CPB1: variants seen among roughly 807,000 people sequenced by gnomAD.
CPB1 encodes carboxypeptidase B.
CPB1 carries 53 observed loss-of-function variants against 51.4 expected under a neutral mutation model. The observed-to-expected ratio is 1.03, with a 90% CI of 0.83 to 1.30. The LOEUF is 1.30. Ranked by LOEUF, CPB1 falls within the 50% of genes most tolerant of loss-of-function variation. The pLI is 0.00. For synonymous variants in CPB1, 189 were observed against 186.9 expected (o/e 1.01, Z -0.09); for missense variants, 494 against 516.2 (o/e 0.96, Z 0.42).
intron 2 of CPB1, among the ~76,000 whole-genome samples, chr3:148,833,872 C>T (rs911427754): frequency 2.0e-5 from 3 of 152,106 alleles, no homozygotes; most frequent in Non-Finnish European, 4.4e-5. Flanking sequence ...CGTAGGTTCT[C>T]ACAATAGTTG....
chr3:148,850,303 T>C (rs11715938), intron 9 of CPB1, among the ~76,000 whole-genome samples: 57,270 of 152,046 alleles, frequency 0.38, 11,599 homozygotes, highest in Admixed American at 0.45. Context: ...TGTTTGTTTG[T>C]TTGTCTGTTT....
At chr3:148,830,041 T>C (rs1203725154) in intron 2 of CPB1, among the ~76,000 whole-genome samples, 2 of 152,162 alleles carry the variant, frequency 1.3e-5, no homozygotes, top group Admixed American at 6.5e-5. Context: ...GTGAATTTAA[T>C]TGGGCCTGAC....
chr3:148,830,169 A>C (rs552753506), intron 2 of CPB1, among the ~76,000 whole-genome samples: 1 of 152,308 alleles, frequency 6.6e-6, no homozygotes, highest in South Asian at 2.1e-4. Context: ...GCCAGGCCCC[A>C]GCAGCTCCTG....
intron 3 of CPB1, 124 bp from the exon 4 acceptor site, chr3:148,840,562 A>C: frequency 1.3e-6 from 1 of 771,188 alleles, no homozygotes; most frequent in Non-Finnish European, 2.2e-6. Context: ...CCAGAGGACA[A>C]CATGAGAATT....
chr3:148,834,747 G>A, intron 3 of CPB1, 125 bp downstream of exon 3: 1 of 833,632 alleles, frequency 1.2e-6, no homozygotes, highest in East Asian at 2.7e-5. Context: ...CCCACAAATA[G>A]GTAATGGCAG....
chr3:148,858,486 C>G (rs6772261), intron 10 of CPB1, among the ~76,000 whole-genome samples: 1 of 151,724 alleles, frequency 6.6e-6, no homozygotes, highest in Non-Finnish European at 1.5e-5. Context: ...GCAGGAGAAT[C>G]GTTTGAACCT....
chr3:148,848,243 A>C (rs182086228), intron 9 of CPB1, among the ~76,000 whole-genome samples: 1 of 152,290 alleles, frequency 6.6e-6, no homozygotes, highest in Admixed American at 6.5e-5. Flanking sequence ...ACAGTTTTAC[A>C]GTTTTTATTT....
chr3:148,834,449 CT>C, intron 2 of CPB1, 48 bp from the exon 3 acceptor site: 1 of 1,554,108 alleles, frequency 6.4e-7, no homozygotes, highest in Non-Finnish European at 8.9e-7. Flanking sequence ...GCAGATTATC[CT>C]TCATCCATTG....
intron 2 of CPB1, among the ~76,000 whole-genome samples, chr3:148,833,420 A>G (rs958114303): frequency 6.6e-6 from 1 of 152,186 alleles, no homozygotes; most frequent in Non-Finnish European, 1.5e-5. Flanking sequence ...TCTGAAACTG[A>G]GATGCCTTAC....
At chr3:148,841,319 G>A (rs919670420) in intron 5 of CPB1, among the ~76,000 whole-genome samples, 3 of 152,140 alleles carry the variant, frequency 2.0e-5, no homozygotes, top group Non-Finnish European at 4.4e-5. Flanking sequence ...TAAACTTCAT[G>A]TCTATCAGAC....
At position 148,846,797 on chromosome 3, in the gene CPB1, G is replaced by GTATATA. The variant is rs368201293; in HGVS notation, c.981+1211_981+1216dup. Among the ~76,000 whole-genome samples the GTATATA allele has an allele frequency of 2.0e-3, 99 of 50,422 alleles. 2 individuals carry two copies. Among genetic ancestry groups the GTATATA allele is most frequent in the East Asian group, 8.7e-3 (11 of 1,268 alleles). 33.1% of individuals were successfully genotyped at this position (50,422 alleles called of 152,430 possible). Reference sequence around the variant, plus strand: ...CACATATATATGTGTGTGTGCGTGTGTATATATATATATATATATATATAT... The same window carrying GTATATA: ...CACATATATATGTGTGTGTGCGTGTGTATATATATATATATATATATATATATATAT... On this transcript the variant is annotated intron_variant, in intron 9 of 10. Transcript: ENST00000282957.
intron 10 of CPB1, 132 bp from the exon 11 acceptor site, chr3:148,859,683 G>C (rs963120625): frequency 5.2e-6 from 4 of 763,702 alleles, no homozygotes; most frequent in Non-Finnish European, 8.2e-6. Flanking sequence ...TTATGATCCA[G>C]TTTACTAGAA....
intron 2 of CPB1, among the ~76,000 whole-genome samples, chr3:148,829,356 A>G (rs558880322): frequency 6.8e-4 from 104 of 152,254 alleles, no homozygotes; most frequent in Non-Finnish European, 1.1e-3. Context: ...GCTTGCCTTC[A>G]TTTGTAAAGC....
chr3:148,836,637 T>C (rs1290382257), intron 3 of CPB1, among the ~76,000 whole-genome samples: 1 of 152,204 alleles, frequency 6.6e-6, no homozygotes, highest in African/African-American at 2.4e-5. Flanking sequence ...ATCTAGAACA[T>C]AGGACATCCC....
intron 9 of CPB1, among the ~76,000 whole-genome samples, chr3:148,852,528 C>G (rs993509183): frequency 2.0e-5 from 3 of 152,214 alleles, no homozygotes; most frequent in Non-Finnish European, 4.4e-5. Context: ...GACAAAGGCT[C>G]TCGCCTTTCA....
intron 8 of CPB1, 76 bp from the exon 9 acceptor site, chr3:148,845,348 T>A: frequency 7.4e-7 from 1 of 1,356,070 alleles, no homozygotes; most frequent in Non-Finnish European, 1.0e-6. Context: ...AACAACTCCC[T>A]AATTTGAAAG....
chr3:148,856,331 T>C (rs1713566337), intron 9 of CPB1: 1 of 152,226 alleles, frequency 6.6e-6, no homozygotes, highest in Non-Finnish European at 1.5e-5. Flanking sequence ...GTATTAATGC[T>C]ATAGGAATTG....
At chr3:148,844,403 C>T in intron 6 of CPB1, 75 bp from the exon 7 acceptor site, 1 of 1,067,518 alleles carries the variant, frequency 9.4e-7, no homozygotes, top group Non-Finnish European at 1.4e-6. Context: ...AGTTAACATT[C>T]AACAGTCTTT....
chr3:148,843,326 A>G (rs1032410666), intron 6 of CPB1, among the ~76,000 whole-genome samples: 1 of 152,114 alleles, frequency 6.6e-6, no homozygotes, highest in Non-Finnish European at 1.5e-5. Flanking sequence ...GTCTAAAATT[A>G]TTTCAAATTT....
Sources: allele counts gnomAD v4.1 joint callset (sites outside exome capture counted in the v4.1 genomes callset), GRCh38; gene constraint gnomAD v4.1.1; transcripts MANE v1.5; gene names NCBI Gene and HGNC (gene_info 2026-07-23, HGNC 2026-07-21).